The following CDC42 variants were observed in gnomAD, a reference collection of about 807,000 sequenced individuals.
CDC42 encodes the protein cell division control protein 42 homolog.
CDC42 carries 1 observed loss-of-function variant against 20.8 expected under a neutral mutation model. The ratio of observed to expected loss-of-function variants is 0.05; its 90% confidence interval spans 0.02 to 0.23. The LOEUF is 0.23. Ranked by LOEUF, CDC42 falls within the 10% of genes least tolerant of loss-of-function variation. CDC42 has a pLI of 1.00. For synonymous variants in CDC42, 72 were observed against 84.8 expected, an observed-to-expected ratio of 0.85 and a Z score of 0.83; for missense variants, 49 against 227.9, an observed-to-expected ratio of 0.21 and a Z score of 5.05.
At chr1:22,061,720 T>TTTTAGTGGAGATGTTGGCCATCTCCAC (rs1471047203) in intron 1 of CDC42, among the ~76,000 whole-genome samples, 3 of 150,526 alleles carry the variant, frequency 2.0e-5, no homozygotes, top group East Asian at 2.0e-4. Flanking sequence ...ATTTTTGTAT[T>TTTTAGTGGAGATGTTGGCCATCTCCAC]TTTAGTGGAG....
chr1:22,058,400 G>T (rs1645326552), intron 1 of CDC42, among the ~76,000 whole-genome samples: 1 of 152,028 alleles, frequency 6.6e-6, no homozygotes, highest in Non-Finnish European at 1.5e-5. Flanking sequence ...AGCATATTTA[G>T]TTTTTAAAGG....
chr1:22,082,895 T>C (rs1645623209), intron 3 of CDC42, among the ~76,000 whole-genome samples: 1 of 136,722 alleles, frequency 7.3e-6, no homozygotes, highest in Non-Finnish European at 1.6e-5. Flanking sequence ...TTTTTTTTTG[T>C]TGAGATGGAG....
intron 5 of CDC42, among the ~76,000 whole-genome samples, chr1:22,087,599 G>A (rs933382653): frequency 3.3e-5 from 5 of 152,102 alleles, no homozygotes; most frequent in Non-Finnish European, 7.4e-5. Context: ...ACTGTTCTGG[G>A]GGCAAAGGAA....
chr1:22,065,712 A>AG (rs1412878124), intron 1 of CDC42, among the ~76,000 whole-genome samples: 1 of 133,728 alleles, frequency 7.5e-6, no homozygotes, highest in African/African-American at 2.8e-5. Flanking sequence ...GTACACATTG[A>AG]GGTGGAGCTA....
At position 22,057,631 on chromosome 1, in the gene CDC42, G is replaced by A. The variant is rs551212378; in HGVS notation, c.-51+4889G>A. ...ACTCCTGACCTCAGGTGATCCGCCC[G>A]TCTCGGCCTCTCAAAGTACTGGGAT... On this transcript the variant is annotated intron_variant, in intron 1 of 5. Coordinates refer to ENST00000656825, the MANE Select transcript of CDC42 (RefSeq NM_001791.4). Among the ~76,000 whole-genome samples, 14 of 152,172 alleles carry A rather than the reference G, an allele frequency of 9.2e-5. No homozygotes were observed. The South Asian group carries it at 1.7e-3, about 18-fold the overall frequency.
chr1:22,074,458 A>G (rs1645526312), intron 1 of CDC42, among the ~76,000 whole-genome samples: 2 of 152,232 alleles, frequency 1.3e-5, no homozygotes, highest in South Asian at 2.1e-4. Context: ...ATTATTTAAT[A>G]GGAGATTAAC....
At chr1:22,073,278 T>G (rs1031333554) in intron 1 of CDC42, among the ~76,000 whole-genome samples, 1 of 152,220 alleles carries the variant, frequency 6.6e-6, no homozygotes, top group African/African-American at 2.4e-5. Context: ...GGCTCGTGCC[T>G]GTAATCCCAG....
rs1451392699 is a variant in CDC42, at chr1:22,097,042, T to G, written c.*5525T>G. Among the ~76,000 whole-genome samples, 1 of 152,238 alleles carries G rather than the reference T, an allele frequency of 6.6e-6. No homozygotes were observed. The highest frequency in any genetic ancestry group is 2.4e-5 in the African/African-American group (1 of 41,466). Reference sequence around the variant, plus strand: ...GGGTGGGGAACAATTTGTAATCCTTTTTAGTTCATATGTCACAATCACAGA... The same window carrying G: ...GGGTGGGGAACAATTTGTAATCCTTGTTAGTTCATATGTCACAATCACAGA... On this transcript the variant is annotated 3_prime_UTR_variant, in exon 6 of 6. Transcript: ENST00000656825.
At chr1:22,055,198 C>G (rs1339258440) in intron 1 of CDC42, among the ~76,000 whole-genome samples, 1 of 151,236 alleles carries the variant, frequency 6.6e-6, no homozygotes, top group Admixed American at 6.6e-5. Context: ...CGTGATCCGC[C>G]CGCCTCGTCC....
At chr1:22,065,215 C>T (rs1390870677) in intron 1 of CDC42, among the ~76,000 whole-genome samples, 1 of 152,174 alleles carries the variant, frequency 6.6e-6, no homozygotes, top group Non-Finnish European at 1.5e-5. Context: ...GCAACTCTGT[C>T]GTCTTCCTTG....
intron 1 of CDC42, among the ~76,000 whole-genome samples, chr1:22,053,676 GTCAGGGACTTAAAT>G (rs1645263399): frequency 6.6e-6 from 1 of 152,158 alleles, no homozygotes; most frequent in Non-Finnish European, 1.5e-5. Flanking sequence ...ACTCCTACAA[GTCAGGGACTTAAAT>G]TCAAACAGCA....
chr1:22,063,652 CT>C (rs1645389744), intron 1 of CDC42, among the ~76,000 whole-genome samples: 1 of 151,944 alleles, frequency 6.6e-6, no homozygotes, highest in South Asian at 2.1e-4. Flanking sequence ...CTTTTTTCCC[CT>C]TTAGGACAAA....
At chr1:22,080,590 T>C (rs1645597297) in intron 2 of CDC42, among the ~76,000 whole-genome samples, 1 of 148,020 alleles carries the variant, frequency 6.8e-6, no homozygotes, top group Non-Finnish European at 1.5e-5. Flanking sequence ...ATAGATATCA[T>C]TTAATTTTAA....
intron 5 of CDC42, chr1:22,089,906 C>A (rs557322265): frequency 1.2e-6 from 2 of 1,606,118 alleles, no homozygotes; most frequent in Non-Finnish European, 1.7e-6. Context: ...ATCCTCTAAC[C>A]TGGCTGCTAT....
intron 2 of CDC42, among the ~76,000 whole-genome samples, chr1:22,080,744 G>T (rs568059111): frequency 2.0e-5 from 3 of 152,180 alleles, no homozygotes; most frequent in Non-Finnish European, 2.9e-5. Flanking sequence ...AAATAACTTC[G>T]TACAACCGAT....
At chr1:22,080,937 G>A (rs1374505007) in intron 2 of CDC42, among the ~76,000 whole-genome samples, 2 of 152,180 alleles carry the variant, frequency 1.3e-5, no homozygotes, top group Admixed American at 6.5e-5. Context: ...TTGGGAGGCC[G>A]AGGCAGGTGG....
chr1:22,078,313 G>A (rs1232302763), intron 1 of CDC42, 116 bp from the exon 2 acceptor site: 2 of 517,898 alleles, frequency 3.9e-6, no homozygotes, highest in Non-Finnish European at 6.9e-6. Flanking sequence ...GGTTCTTTTA[G>A]CCATAATAAT....
At chr1:22,065,591 A>C (rs1282018279) in intron 1 of CDC42, among the ~76,000 whole-genome samples, 1 of 152,178 alleles carries the variant, frequency 6.6e-6, no homozygotes, top group Non-Finnish European at 1.5e-5. Context: ...TGGTGTGTGT[A>C]CCAGTTGCTT....
chr1:22,072,091 CTTTTTTTTTT>C (rs55929932), intron 1 of CDC42, among the ~76,000 whole-genome samples: 1 of 70,810 alleles, frequency 1.4e-5, no homozygotes, highest in Non-Finnish European at 2.4e-5. Context: ...TTTTACTTAC[CTTTTTTTTTT>C]TTTTTTTTTT....
Sources: gnomAD v4.1 joint callset for allele counts (sites outside exome capture counted in the v4.1 genomes callset) on GRCh38, gnomAD v4.1.1 for gene constraint, MANE v1.5 for transcripts, NCBI Gene and HGNC (gene_info 2026-07-23, HGNC 2026-07-21) for gene names.